Variants in NDRG2 observed in about 807,000 individuals in gnomAD.
The protein encoded by NDRG2 is NDRG family member 2, also known as protein NDRG2.
NDRG2 carries 34 observed loss-of-function variants against 58.2 expected under a neutral mutation model. The ratio of observed to expected loss-of-function variants is 0.58; its 90% CI spans 0.44 to 0.78. The LOEUF is 0.78. Ranked by LOEUF, NDRG2 falls within the 30% of genes least tolerant of loss-of-function variation. The pLI is 0.00. For synonymous variants in NDRG2, 187 were observed against 175.9 expected (o/e 1.06, Z -0.50); for missense variants, 434 against 471.2 (o/e 0.92, Z 0.73).
At chr14:21,017,900 G>A in intron 15 of NDRG2, 87 bp downstream of exon 15, 6 of 1,607,182 alleles carry the variant, frequency 3.7e-6, no homozygotes, top group Non-Finnish European at 5.1e-6. Context: ...GCAGATAGCG[G>A]TGAGTCCAGG....
intron 1 of NDRG2, among the ~76,000 whole-genome samples, chr14:21,050,572 A>G (rs745376727): frequency 7.2e-5 from 11 of 152,262 alleles, no homozygotes; most frequent in Non-Finnish European, 1.0e-4. Flanking sequence ...GCTAGTAACC[A>G]CAGAGGAAGA....
chr14:21,044,417 T>A (rs1044440909), intron 1 of NDRG2, among the ~76,000 whole-genome samples: 2 of 152,116 alleles, frequency 1.3e-5, no homozygotes, highest in African/African-American at 4.8e-5. Context: ...AGATCCAGGA[T>A]CACATTTCCT....
At chr14:21,027,568 A>T (rs1243454), upstream of NDRG2, among the ~76,000 whole-genome samples, 62,523 of 152,140 alleles carry the variant, frequency 0.41, 14,867 homozygotes, top group East Asian at 0.73. Context: ...CATAATAGGT[A>T]TAGTATCCCC....
chr14:21,023,404 A>T, intron 1 of NDRG2, 83 bp from the exon 2 acceptor site: 1 of 1,249,970 alleles, frequency 8.0e-7, no homozygotes, highest in Non-Finnish European at 1.1e-6. Flanking sequence ...CTCTCAGCAC[A>T]GGAAGATGCA....
chr14:21,049,766 CTTT>C (rs113735552), intron 1 of NDRG2, among the ~76,000 whole-genome samples: 9 of 138,996 alleles, frequency 6.5e-5, no homozygotes, highest in Admixed American at 7.2e-5. Context: ...CATCTTTCTT[CTTT>C]TTTTTTTTTT....
At chr14:21,042,375 C>G (rs914290455) in intron 1 of NDRG2, 1 of 154,268 alleles carries the variant, frequency 6.5e-6, no homozygotes, top group Non-Finnish European at 1.4e-5. Flanking sequence ...GATCTGACAG[C>G]CTAGGAGTGC....
At chr14:21,020,202 G>A in intron 8 of NDRG2, 1 of 549,302 alleles carries the variant, frequency 1.8e-6, no homozygotes, top group Non-Finnish European at 3.3e-6. Flanking sequence ...GCTGAGGCAG[G>A]AGAATCACTT....
upstream of NDRG2, chr14:21,029,001 A>T (rs1325732175): frequency 6.6e-6 from 1 of 152,094 alleles, no homozygotes; most frequent in African/African-American, 2.4e-5. Flanking sequence ...AAGAGAGAAA[A>T]CCCTGAGGAA....
chr14:21,021,773 CT>C (rs1204631971), intron 6 of NDRG2, 43 bp downstream of exon 6: 2 of 1,591,062 alleles, frequency 1.3e-6, no homozygotes, highest in South Asian at 2.3e-5. Context: ...TCTCCTTGTG[CT>C]GGAAAGAGAA....
intron 1 of NDRG2, chr14:21,043,274 T>C: frequency 6.2e-7 from 1 of 1,614,146 alleles, no homozygotes; most frequent in Non-Finnish European, 8.5e-7. Flanking sequence ...AGAATGGCGA[T>C]AAAAACTGCC....
Position 21,025,044 on chromosome 14 carries a change from C to G in NDRG2, c.-1021G>C. The G allele has an allele frequency of 1.0e-6, 1 of 986,122 alleles. No individual in the cohort carries two copies. The highest frequency in any genetic ancestry group is 1.2e-6 in the Non-Finnish European group (1 of 830,524). 61.1% of individuals were successfully genotyped at this position (986,122 alleles called of 1,614,324 possible). A position where few individuals can be genotyped will look rare whatever the true frequency, so the allele number is the denominator to read the frequency against. ...CTCCCCCTACCTGCTGCCGCCGCGG[C>G]CGCTTCCACCTTCACTTGCCTTTGA... On this transcript the variant is annotated 5_prime_UTR_variant, in exon 1 of 16. Transcript: ENST00000556147. The surrounding 1 kb of genome is among the most constrained non-coding windows in gnomAD (Gnocchi z 5.1).
upstream of NDRG2, chr14:21,030,391 T>C (rs1883990110): frequency 5.0e-6 from 3 of 604,980 alleles, no homozygotes; most frequent in South Asian, 2.0e-5. Context: ...GGGAGACTCA[T>C]GCTGTAGTTG....
At chr14:21,056,536 G>T (rs903034358) in intron 1 of NDRG2, among the ~76,000 whole-genome samples, 1 of 152,100 alleles carries the variant, frequency 6.6e-6, no homozygotes, top group Admixed American at 6.5e-5. Flanking sequence ...AAACAAACAC[G>T]GGAAAGTGTA....
At chr14:21,019,192 G>A (rs1253845176) in intron 10 of NDRG2, 32 bp from the exon 11 acceptor site, 2 of 1,590,220 alleles carry the variant, frequency 1.3e-6, no homozygotes, top group Non-Finnish European at 1.7e-6. Context: ...AGGAATTTTA[G>A]GTGGGCAATG....
At chr14:21,042,943 T>A in intron 1 of NDRG2, 1 of 1,532,142 alleles carries the variant, frequency 6.5e-7, no homozygotes, top group African/African-American at 1.4e-5. Context: ...ACTGAACACC[T>A]CTGTCCCAGC....
chr14:21,045,521 C>G (rs775215593), intron 1 of NDRG2, among the ~76,000 whole-genome samples: 2 of 152,200 alleles, frequency 1.3e-5, no homozygotes, highest in Non-Finnish European at 1.5e-5. Context: ...ATGATTTTCA[C>G]TTGTGGTGCA....
chr14:21,021,620 G>A, intron 6 of NDRG2, 197 bp downstream of exon 6: 1 of 627,048 alleles, frequency 1.6e-6, no homozygotes, highest in Non-Finnish European at 2.8e-6. Flanking sequence ...CACCCATTAG[G>A]GCTATTCTGT....
In NDRG2 at chr14:21,065,821, G is replaced by A. The variant is rs866946511; in HGVS notation, c.24+5007C>T. On this transcript the variant is annotated intron_variant, in intron 1 of 14. Transcript: ENST00000403829. ...GTTTAAAGAACTGAAAGAAGGGGCCGAATGCAGTGGCTCATGCCTGTAATT... is the reference window on the plus strand; with the variant it reads ...GTTTAAAGAACTGAAAGAAGGGGCCAAATGCAGTGGCTCATGCCTGTAATT... Among the ~76,000 whole-genome samples the A allele has an allele frequency of 5.3e-5, 8 of 152,324 alleles. No homozygotes were observed. The South Asian group carries it at 6.2e-4, about 12-fold the overall frequency.
chr14:21,029,761 T>TA (rs764254735), upstream of NDRG2, among the ~76,000 whole-genome samples: 2 of 152,176 alleles, frequency 1.3e-5, no homozygotes, highest in Non-Finnish European at 2.9e-5. Context: ...TCACCCCTTC[T>TA]ACCATGTGAG....
Sources: allele counts gnomAD v4.1 joint callset (sites outside exome capture counted in the v4.1 genomes callset), GRCh38; gene constraint gnomAD v4.1.1; non-coding constraint Gnocchi (gnomAD v3.1); transcripts MANE v1.5; gene names NCBI Gene and HGNC (gene_info 2026-07-23, HGNC 2026-07-21).